PDE10A: variants seen among roughly 807,000 people sequenced by gnomAD.
The protein encoded by PDE10A is phosphodiesterase 10A, also known as cAMP and cAMP-inhibited cGMP 3',5'-cyclic phosphodiesterase 10A.
PDE10A carries 39 observed loss-of-function variants against 97.7 expected under a neutral mutation model. The ratio of observed to expected loss-of-function variants is 0.40; its 90% CI spans 0.31 to 0.52. PDE10A has a LOEUF of 0.52. PDE10A is among the 20% of genes least tolerant of loss of function. The pLI, the probability that PDE10A is intolerant of heterozygous loss-of-function variation, is 0.56. For missense variants in PDE10A, 731 were observed against 1,047.8 expected, an observed-to-expected ratio of 0.70 and a Z score of 4.17; for synonymous variants, 371 against 376.8, an observed-to-expected ratio of 0.98 and a Z score of 0.18.
intron 1 of PDE10A, among the ~76,000 whole-genome samples, chr6:165,637,459 G>A (rs1194447543): frequency 6.6e-6 from 1 of 152,138 alleles, no homozygotes; most frequent in East Asian, 1.9e-4. Flanking sequence ...CCAGCTTTAT[G>A]GCGGACGGGT....
intron 1 of PDE10A, among the ~76,000 whole-genome samples, chr6:165,746,756 G>A (rs1792853106): frequency 6.6e-6 from 1 of 152,176 alleles, no homozygotes; most frequent in South Asian, 2.1e-4. Context: ...ATGGCAGATG[G>A]AAGAAGATTT....
chr6:165,776,754 C>T (rs964656901), intron 1 of PDE10A, among the ~76,000 whole-genome samples: 1 of 152,160 alleles, frequency 6.6e-6, no homozygotes, highest in Non-Finnish European at 1.5e-5. Flanking sequence ...TGGTCCTTGA[C>T]CCTTGAGAAG....
Position 165,339,323 on chromosome 6 carries a change from A to C in PDE10A, c.2931T>G (p.Ile977Met), listed in dbSNP as rs148138380. Reference protein sequence around the residue: ...DEMKKLGIQPIPMMDRDKKDE... With the variant: ...DEMKKLGIQPMPMMDRDKKDE... ...CCTTCTTGTCTCTGTCCATCATAGGAATAGGCTGTATTCCCAATTTCTTCA... is the reference window on the plus strand; with the variant it reads ...CCTTCTTGTCTCTGTCCATCATAGGCATAGGCTGTATTCCCAATTTCTTCA... The change falls in exon 20 of 22, where the codon ATT becomes ATG. Residue 977 changes from isoleucine to methionine, a missense_variant. Physicochemically the swap from Ile to Met is conservative, Grantham distance 10. This residue lies in a region of PDE10A where 96 missense variants were observed against 156.7 expected (regional missense o/e 0.61). Coordinates refer to ENST00000539869, the MANE Select transcript of PDE10A (RefSeq NM_001385079.1). 549 of 1,606,136 alleles carry C rather than the reference A, an allele frequency of 3.4e-4. No individual in the cohort carries two copies. The highest frequency in any genetic ancestry group is 4.9e-4 in the Middle Eastern group (3 of 6,062).
At chr6:165,952,033 G>A (rs1200002528) in intron 1 of PDE10A, among the ~76,000 whole-genome samples, 6 of 152,228 alleles carry the variant, frequency 3.9e-5, no homozygotes, top group Non-Finnish European at 2.9e-5. Context: ...TCTCGCAATA[G>A]CCTCCTGAAA....
At chr6:165,738,729 ATTGTGGTT>A (rs1260487764) in intron 1 of PDE10A, among the ~76,000 whole-genome samples, 2 of 152,082 alleles carry the variant, frequency 1.3e-5, no homozygotes, top group Non-Finnish European at 2.9e-5. Flanking sequence ...ATGATATCTC[ATTGTGGTT>A]TTGATTTGCA....
intron 18 of PDE10A, among the ~76,000 whole-genome samples, chr6:165,369,084 A>G (rs1583132505): frequency 6.6e-6 from 1 of 152,004 alleles, no homozygotes; most frequent in Non-Finnish European, 1.5e-5. Context: ...TCTGTACATC[A>G]CCATCATCAA....
intron 1 of PDE10A, among the ~76,000 whole-genome samples, chr6:165,659,684 A>G (rs1021292769): frequency 2.6e-5 from 4 of 151,928 alleles, no homozygotes; most frequent in Non-Finnish European, 4.4e-5. Flanking sequence ...GTGTGGGGCG[A>G]GGGGGCCTTT....
chr6:165,424,593 G>C (rs760619409), intron 10 of PDE10A, among the ~76,000 whole-genome samples: 5 of 152,026 alleles, frequency 3.3e-5, no homozygotes, highest in Admixed American at 6.6e-5. Flanking sequence ...GAAAAGAATG[G>C]AACATTTCTG....
chr6:165,967,217 G>A (rs1160459559), intron 1 of PDE10A, among the ~76,000 whole-genome samples: 1 of 152,174 alleles, frequency 6.6e-6, no homozygotes, highest in Non-Finnish European at 1.5e-5. Context: ...ACAAATTATT[G>A]GCCAGGCACA....
chr6:165,868,196 A>G (rs1017257338), intron 1 of PDE10A, among the ~76,000 whole-genome samples: 4 of 152,010 alleles, frequency 2.6e-5, no homozygotes, highest in African/African-American at 9.7e-5. Context: ...AAAATAGACT[A>G]AAATAAAAAT....
chr6:165,496,204 C>A (rs967394052), intron 2 of PDE10A, among the ~76,000 whole-genome samples: 1 of 152,090 alleles, frequency 6.6e-6, no homozygotes, highest in African/African-American at 2.4e-5. Context: ...CCGAAGATGA[C>A]CCCCTTATTT....
At chr6:165,865,257 A>T (rs1374742233) in intron 1 of PDE10A, among the ~76,000 whole-genome samples, 2 of 152,264 alleles carry the variant, frequency 1.3e-5, no homozygotes, top group Non-Finnish European at 2.9e-5. Flanking sequence ...AAGATAAAGC[A>T]TTCTACCCAA....
intron 1 of PDE10A, among the ~76,000 whole-genome samples, chr6:165,553,455 A>C (rs544076269): frequency 6.6e-6 from 1 of 152,222 alleles, no homozygotes; most frequent in Non-Finnish European, 1.5e-5. Context: ...CAAATGCCTT[A>C]TAATAACTAT....
At chr6:165,367,228 TAC>T (rs764622287) in intron 18 of PDE10A, among the ~76,000 whole-genome samples, 5 of 126,208 alleles carry the variant, frequency 4.0e-5, no homozygotes, top group African/African-American at 1.7e-4. Context: ...TATATATATA[TAC>T]ACACACACAT....
chr6:165,800,199 T>C (rs1358869963), intron 1 of PDE10A, among the ~76,000 whole-genome samples: 1 of 152,158 alleles, frequency 6.6e-6, no homozygotes, highest in African/African-American at 2.4e-5. Flanking sequence ...GGAGGTGTCA[T>C]TCTGCTGAGC....
At chr6:165,860,931 A>C (rs1442047229) in intron 1 of PDE10A, among the ~76,000 whole-genome samples, 2 of 152,208 alleles carry the variant, frequency 1.3e-5, no homozygotes, top group Non-Finnish European at 2.9e-5. Context: ...TCACTTTTGC[A>C]CATCACAGGT....
Position 165,614,696 on chromosome 6 carries a change from A to G in PDE10A, c.865+47251T>C, listed in dbSNP as rs137947714. Among the ~76,000 whole-genome samples the G allele has an allele frequency of 9.7e-3, 1,470 of 152,288 alleles. 31 individuals are homozygous for G. The highest frequency in any genetic ancestry group is 0.034 in the African/African-American group (1,408 of 41,552). On this transcript the variant is annotated intron_variant, in intron 1 of 21. Coordinates refer to ENST00000539869, the MANE Select transcript of PDE10A (RefSeq NM_001385079.1). ...CACTGTTGTATTTCCAGCATCTAGCAGAGTTCTTGGCACATAGACACTCAG... is the reference window on the plus strand; with the variant it reads ...CACTGTTGTATTTCCAGCATCTAGCGGAGTTCTTGGCACATAGACACTCAG...
chr6:165,671,706 A>G lies in PDE10A; in HGVS notation c.-614-128138T>C, dbSNP rs762556448. On this transcript the variant is annotated intron_variant, in intron 1 of 19. Coordinates refer to the PDE10A transcript ENST00000366882. The surrounding 1 kb of genome is among the most constrained non-coding windows in gnomAD (Gnocchi z 4.6). ...AAGCAGCTAGATATCACACACACAC[A>G]CACACATATATATAGTGTGCTTTAT... 2.0e-5 allele frequency among the ~76,000 whole-genome samples: 3 copies of G among 152,176 alleles called. No homozygotes were observed. Among genetic ancestry groups the G allele is most frequent in the Non-Finnish European group, 4.4e-5 (3 of 68,030 alleles).
chr6:165,964,544 T>C (rs1784450667), intron 1 of PDE10A, among the ~76,000 whole-genome samples: 1 of 152,200 alleles, frequency 6.6e-6, no homozygotes, highest in African/African-American at 2.4e-5. Context: ...GGGATGCTAG[T>C]GGAATTTACC....
Sources: gnomAD v4.1 joint callset for allele counts (sites outside exome capture counted in the v4.1 genomes callset) on GRCh38, gnomAD v4.1.1 for gene constraint, gnomAD v4.1.1 regional missense constraint, Gnocchi (gnomAD v3.1) non-coding constraint, MANE v1.5 for transcripts, NCBI Gene and HGNC (gene_info 2026-07-23, HGNC 2026-07-21) for gene names.